KIF1A: variants seen among roughly 807,000 people sequenced by gnomAD.
The protein encoded by KIF1A is kinesin-like protein KIF1A.
A neutral mutation model predicts 227.3 loss-of-function variants in KIF1A; 46 were observed. The observed-to-expected ratio is 0.20, with a 90% CI of 0.16 to 0.26. The LOEUF (loss-of-function observed/expected upper bound fraction) is 0.26. Among genes scored for constraint, KIF1A ranks in the 10% least tolerant of loss-of-function variants. The pLI is 1.00. For synonymous variants in KIF1A, 1,022 were observed against 1,012.8 expected (o/e 1.01, Z -0.17); for missense variants, 1,683 against 2,485.9 (o/e 0.68, Z 6.87).
chr2:240,718,855 G>C (rs1198371058), intron 47 of KIF1A, 151 bp downstream of exon 47: 3 of 629,336 alleles, frequency 4.8e-6, no homozygotes, highest in Non-Finnish European at 8.1e-6. Context: ...CCCTGAGGCT[G>C]AGTCCCTGAG....
chr2:240,786,297 C>T, intron 6 of KIF1A, 38 bp downstream of exon 6: 1 of 1,598,082 alleles, frequency 6.3e-7, no homozygotes, highest in African/African-American at 1.3e-5. Flanking sequence ...GGCGGCAGGA[C>T]AGGAGGGCAG....
chr2:240,818,534 C>G (rs1168780251), intron 1 of KIF1A: 1 of 153,370 alleles, frequency 6.5e-6, no homozygotes, highest in African/African-American at 2.4e-5. Flanking sequence ...CACATCTGCT[C>G]CACTCCTGAC....
Position 240,788,317 on chromosome 2 carries a change from A to T in KIF1A, c.184-87T>A. ...ATGTCTGCGGAGCCAGGGGATGCCCAGGGCCTCAGGGTGCCAGGGCAGCAC... is the reference window on the plus strand; with the variant it reads ...ATGTCTGCGGAGCCAGGGGATGCCCTGGGCCTCAGGGTGCCAGGGCAGCAC... On this transcript the variant is annotated intron_variant, in intron 3 of 48. Coordinates refer to ENST00000498729, the MANE Select transcript of KIF1A (RefSeq NM_001244008.2). The surrounding 1 kb of genome is among the most constrained non-coding windows in gnomAD (Gnocchi z 6.6). 1 of 1,265,742 alleles carries T rather than the reference A, an allele frequency of 7.9e-7. No homozygotes were observed. The highest frequency in any genetic ancestry group is 1.1e-6 in the Non-Finnish European group (1 of 884,262). 78.4% of individuals were successfully genotyped at this position (1,265,742 alleles called of 1,614,324 possible).
chr2:240,737,303 AG>A (rs1559488635), intron 37 of KIF1A, 135 bp from the exon 38 acceptor site: 3 of 689,754 alleles, frequency 4.3e-6, no homozygotes, highest in Middle Eastern at 2.8e-4. Context: ...AGGCGGTGCC[AG>A]GGGGAACAGG....
At chr2:240,754,600 C>T (rs1316137247) in intron 27 of KIF1A, among the ~76,000 whole-genome samples, 1 of 152,214 alleles carries the variant, frequency 6.6e-6, no homozygotes, top group African/African-American at 2.4e-5. Context: ...CGTCTCTGCC[C>T]AGTGGAGACA....
At chr2:240,772,965 G>T in intron 13 of KIF1A, 149 bp downstream of exon 13, 1 of 865,130 alleles carries the variant, frequency 1.2e-6, no homozygotes, top group South Asian at 1.9e-5. Context: ...ATTTGGCCCA[G>T]AGGGGCTCTG....
At position 240,763,198 on chromosome 2, in the gene KIF1A, C is replaced by T. The variant is rs896192969; in HGVS notation, c.1917G>A (p.Gln639=). ...CCATCTCCTGCTTCATGTCGATGCC[C>T]TGCTTCTCCAGCAGCTCACGCTGGG... ...AFAQRELLEK[Q]GIDMKQEMEQ... Residue 639 remains glutamine, a synonymous_variant, in exon 21 of 49, where the codon CAG becomes CAA. Transcript: ENST00000498729. 9.9e-6 allele frequency: 16 copies of T among 1,612,338 alleles called. No individual in the cohort carries two copies. Among genetic ancestry groups the T allele is most frequent in the Non-Finnish European group, 1.4e-5 (16 of 1,179,786 alleles).
At chr2:240,749,520 G>C (rs2048978374) in intron 28 of KIF1A, among the ~76,000 whole-genome samples, 1 of 152,182 alleles carries the variant, frequency 6.6e-6, no homozygotes, top group Non-Finnish European at 1.5e-5. Context: ...CCTTTGAGAG[G>C]AAAAAGAGTG....
intron 10 of KIF1A, among the ~76,000 whole-genome samples, chr2:240,779,629 C>T: frequency 6.6e-6 from 1 of 152,136 alleles, no homozygotes; most frequent in South Asian, 2.1e-4. Context: ...CTCAGTTCCA[C>T]ACTCAGTTCC....
At chr2:240,755,088 C>A (rs766079898) in intron 27 of KIF1A, among the ~76,000 whole-genome samples, 2 of 152,168 alleles carry the variant, frequency 1.3e-5, no homozygotes, top group African/African-American at 2.4e-5. Flanking sequence ...CAGGGGAAAT[C>A]AGAGCCCCAG....
intron 9 of KIF1A, 57 bp from the exon 10 acceptor site, chr2:240,782,664 T>G (rs900323883): frequency 1.3e-6 from 2 of 1,541,462 alleles, no homozygotes; most frequent in Non-Finnish European, 1.8e-6. Context: ...GCGCGGGCTG[T>G]GGGGGCGGAA....
rs3732338 is a variant in KIF1A at position 240,715,621 on chromosome 2, C to T, written c.*1743G>A. 0.041 allele frequency: 6,235 copies of T among 152,540 alleles called. 671 individuals are homozygous for T. The highest frequency in any genetic ancestry group is 0.22 in the Admixed American group (3,404 of 15,290). The allele number at this position is 152,540 out of a possible 1,614,324, so 9.4% of individuals were successfully genotyped here. ...AACTTCAGGGGCCCAAACAACCTTC[C>T]CAAAGGAAAACCTCATGCCAGAGCC... On this transcript the variant is annotated 3_prime_UTR_variant, in exon 49 of 49. Transcript: ENST00000498729.
rs950729511 is a variant in KIF1A, at chr2:240,789,565, T to A, written c.107-253A>T. On this transcript the variant is annotated intron_variant, in intron 2 of 48. Coordinates refer to ENST00000498729, the MANE Select transcript of KIF1A (RefSeq NM_001244008.2). This position sits in a 1 kb window ranked among gnomAD's most constrained non-coding sequence, Gnocchi z 4.8. ...CAGCCTGCAAGGCTCTGTGTCATTC[T>A]CCCGCCAAATGCAACTGGCTCCCCT... Among the ~76,000 whole-genome samples the A allele has an allele frequency of 6.6e-6, 1 of 152,004 alleles. No homozygotes were observed. The highest frequency in any genetic ancestry group is 2.4e-5 in the African/African-American group (1 of 41,396).
intron 28 of KIF1A, among the ~76,000 whole-genome samples, chr2:240,749,372 G>A (rs1032260872): frequency 2.6e-5 from 4 of 152,086 alleles, no homozygotes; most frequent in Non-Finnish European, 5.9e-5. Flanking sequence ...GCTCCAGGTC[G>A]CTCCTCTAAG....
intron 32 of KIF1A, 101 bp downstream of exon 32, chr2:240,745,326 C>T (rs988666631): frequency 1.3e-5 from 12 of 950,756 alleles, no homozygotes; most frequent in Non-Finnish European, 1.8e-5. Flanking sequence ...GCAGTCCTGG[C>T]CCACAACTGG....
chr2:240,815,495 C>T (rs1196153014), intron 1 of KIF1A, among the ~76,000 whole-genome samples: 1 of 152,148 alleles, frequency 6.6e-6, no homozygotes, highest in East Asian at 1.9e-4. Context: ...CTAAGCCAGG[C>T]TCAGGAATCC....
chr2:240,756,462 C>T (rs1487141039), intron 27 of KIF1A, among the ~76,000 whole-genome samples: 3 of 152,230 alleles, frequency 2.0e-5, no homozygotes, highest in Non-Finnish European at 4.4e-5. Flanking sequence ...CGTCTGCTCC[C>T]TGGGTCTGGG....
chr2:240,758,306 G>A lies in KIF1A; in HGVS notation c.2582+54C>T, dbSNP rs2050109719. On this transcript the variant is annotated intron_variant, in intron 26 of 48. Coordinates refer to ENST00000498729, the MANE Select transcript of KIF1A (RefSeq NM_001244008.2). This position sits in a 1 kb window ranked among gnomAD's most constrained non-coding sequence, Gnocchi z 5.2. ...GCCAGGGCCCACTCCTACCCCCACT[G>A]CCATCTCTCTCTCTCAATCTCTCTC... 7.0e-6 allele frequency: 11 copies of A among 1,569,738 alleles called. No homozygotes were observed. The South Asian group carries it at 1.2e-4, about 17-fold the overall frequency.
chr2:240,820,796 AG>A (rs1009772662), upstream of KIF1A, among the ~76,000 whole-genome samples: 10 of 150,718 alleles, frequency 6.6e-5, no homozygotes, highest in African/African-American at 2.5e-4. This position sits in a 1 kb window ranked among gnomAD's most constrained non-coding sequence, Gnocchi z 6.2. Context: ...GCAGTGACCC[AG>A]GCCCTCCCCG....
Sources: gnomAD v4.1 joint callset for allele counts (sites outside exome capture counted in the v4.1 genomes callset) on GRCh38, gnomAD v4.1.1 for gene constraint, Gnocchi (gnomAD v3.1) non-coding constraint, MANE v1.5 for transcripts, NCBI Gene and HGNC (gene_info 2026-07-23, HGNC 2026-07-21) for gene names.